Variants in TCF20 observed in about 807,000 individuals in gnomAD.
The protein encoded by TCF20 is transcription factor 20, also known as SPRE-binding protein.
A neutral mutation model predicts 148.6 loss-of-function variants in TCF20; 3 were observed. The observed-to-expected ratio is 0.02, with a 90% CI of 0.01 to 0.05. The LOEUF (loss-of-function observed/expected upper bound fraction) is 0.05, where lower values mean the gene tolerates loss of function less well. Among genes scored for constraint, TCF20 ranks in the 10% least tolerant of loss-of-function variants. The pLI is 1.00. For missense variants in TCF20, 2,350 were observed against 2,429.3 expected, an observed-to-expected ratio of 0.97 and a Z score of 0.69; for synonymous variants, 1,049 against 909.5, an observed-to-expected ratio of 1.15 and a Z score of -2.76.
intron 1 of TCF20, among the ~76,000 whole-genome samples, chr22:42,296,845 G>A (rs1569203605): frequency 1.3e-5 from 2 of 152,240 alleles, no homozygotes; most frequent in Non-Finnish European, 1.5e-5. Context: ...TTTCGCGAAT[G>A]AGAAAGCAGC....
chr22:42,235,352 G>T (rs985370196), intron 1 of TCF20, among the ~76,000 whole-genome samples: 4 of 152,148 alleles, frequency 2.6e-5, no homozygotes, highest in Admixed American at 6.5e-5. Context: ...CTCAACTGGG[G>T]ACTTCTCTGA....
At chr22:42,261,282 CTATTAA>C (rs1217525427) in intron 1 of TCF20, among the ~76,000 whole-genome samples, 21 of 152,228 alleles carry the variant, frequency 1.4e-4, no homozygotes, top group African/African-American at 5.1e-4. Flanking sequence ...TATTATTTGG[CTATTAA>C]TATTCTTATG....
intron 3 of TCF20, among the ~76,000 whole-genome samples, chr22:42,175,520 T>C (rs1045344059): frequency 6.6e-6 from 1 of 152,056 alleles, no homozygotes; most frequent in African/African-American, 2.4e-5. Context: ...TTTCATATTT[T>C]AGTAGTGACA....
rs374093822 is a variant in TCF20, at chr22:42,168,862, G to A, written c.5800-126C>T. The stretch of plus-strand genomic sequence containing the variant: ...AGAAAAGGCAGAGTCAGTCCTGACC[G>A]ACAAACAGGAGACATTCAGACAGGG... On this transcript the variant is annotated intron_variant, in intron 4 of 5. Coordinates refer to ENST00000677622, the MANE Select transcript of TCF20 (RefSeq NM_001378418.1). The A allele has an allele frequency of 1.3e-5, 17 of 1,267,788 alleles. No homozygotes were observed. In the South Asian group the frequency reaches 1.7e-4, roughly 13 times the overall value. 78.5% of individuals were successfully genotyped at this position (1,267,788 alleles called of 1,614,324 possible). A position where few individuals can be genotyped will look rare whatever the true frequency, so the allele number is the denominator to read the frequency against.
At chr22:42,268,328 C>T (rs1926405691) in intron 1 of TCF20, among the ~76,000 whole-genome samples, 3 of 152,204 alleles carry the variant, frequency 2.0e-5, no homozygotes, top group African/African-American at 7.2e-5. Flanking sequence ...AAAAGCACAG[C>T]CTAAGGCCTT....
In TCF20 at chr22:42,289,315, C is replaced by G. The variant is rs543910269; in HGVS notation, c.-37+54164G>C. 1.1e-4 allele frequency among the ~76,000 whole-genome samples: 16 copies of G among 152,310 alleles called. No homozygotes were observed. In the South Asian group the frequency reaches 3.3e-3, roughly 32 times the overall value. Reference sequence around the variant, plus strand: ...TGCCACCACATCCCACCGACACACTCTGGGAGGTTCCGAACACCAGATCTG... The same window carrying G: ...TGCCACCACATCCCACCGACACACTGTGGGAGGTTCCGAACACCAGATCTG... On this transcript the variant is annotated intron_variant, in intron 1 of 1. Transcript: ENST00000515426.
intron 1 of TCF20, among the ~76,000 whole-genome samples, chr22:42,326,208 C>T (rs562780028): frequency 6.6e-6 from 1 of 152,126 alleles, no homozygotes; most frequent in Admixed American, 6.5e-5. Context: ...TGGAACCAAG[C>T]GGGACCACCC....
intron 1 of TCF20, among the ~76,000 whole-genome samples, chr22:42,255,056 G>A (rs1264665328): frequency 6.6e-6 from 1 of 150,998 alleles, no homozygotes; most frequent in South Asian, 2.1e-4. Context: ...ATAGTTGGGT[G>A]ACCTTGGGCA....
chr22:42,219,192 T>C (rs577298684), intron 1 of TCF20, among the ~76,000 whole-genome samples: 24 of 151,266 alleles, frequency 1.6e-4, no homozygotes, highest in African/African-American at 5.8e-4. Context: ...AAGACCAGCC[T>C]GGGTTAAAAA....
At chr22:42,237,004 T>C (rs1470332378) in intron 1 of TCF20, among the ~76,000 whole-genome samples, 2 of 152,184 alleles carry the variant, frequency 1.3e-5, no homozygotes, top group Non-Finnish European at 2.9e-5. Flanking sequence ...GCTGACTAAT[T>C]AGGGTGGTGG....
intron 2 of TCF20, among the ~76,000 whole-genome samples, chr22:42,207,538 G>A (rs1161516576): frequency 1.3e-5 from 2 of 152,140 alleles, no homozygotes; most frequent in African/African-American, 4.8e-5. Flanking sequence ...AATCAAGGCT[G>A]GGTGCAGTGG....
At chr22:42,223,956 T>C (rs1922612083) in intron 1 of TCF20, among the ~76,000 whole-genome samples, 1 of 152,198 alleles carries the variant, frequency 6.6e-6, no homozygotes, top group African/African-American at 2.4e-5. Flanking sequence ...AGGTGCTGGC[T>C]TCCTCCCTGA....
At chr22:42,233,547 T>G (rs1248939361) in intron 1 of TCF20, among the ~76,000 whole-genome samples, 1 of 152,202 alleles carries the variant, frequency 6.6e-6, no homozygotes, top group Non-Finnish European at 1.5e-5. Flanking sequence ...ACTTTTCCCT[T>G]AACACCTTCC....
intron 1 of TCF20, among the ~76,000 whole-genome samples, chr22:42,227,207 C>A (rs145463618): frequency 0.013 from 1,972 of 152,246 alleles, 42 homozygotes; most frequent in African/African-American, 0.044. Context: ...CACTTGAACT[C>A]TGGAGGCTGC....
intron 3 of TCF20, among the ~76,000 whole-genome samples, chr22:42,173,374 T>G (rs1936251136): frequency 6.6e-6 from 1 of 151,524 alleles, no homozygotes; most frequent in South Asian, 2.1e-4. Context: ...AGGGTCAACA[T>G]CAGGTGGGGG....
chr22:42,322,670 G>A (rs934911973), intron 1 of TCF20, among the ~76,000 whole-genome samples: 1 of 151,848 alleles, frequency 6.6e-6, no homozygotes, highest in African/African-American at 2.4e-5. Context: ...AAGCGCCTGA[G>A]TGAGTGAGCA....
chr22:42,215,848 G>A (rs1392573203), intron 1 of TCF20, among the ~76,000 whole-genome samples: 1 of 151,986 alleles, frequency 6.6e-6, no homozygotes, highest in South Asian at 2.1e-4. Flanking sequence ...AAAGAGTGAG[G>A]CAAGAATCTG....
At chr22:42,243,379 G>A (rs1309585068) in intron 1 of TCF20, among the ~76,000 whole-genome samples, 2 of 149,890 alleles carry the variant, frequency 1.3e-5, no homozygotes, top group Non-Finnish European at 3.0e-5. Context: ...GAGGTGGACT[G>A]ATCACTTGAC....
At chr22:42,247,055 C>T (rs188869733) in intron 1 of TCF20, among the ~76,000 whole-genome samples, 3 of 149,870 alleles carry the variant, frequency 2.0e-5, no homozygotes, top group African/African-American at 7.4e-5. Context: ...AAATTACAAA[C>T]GTCATGAAGG....
Sources: allele counts gnomAD v4.1 joint callset (sites outside exome capture counted in the v4.1 genomes callset), GRCh38; gene constraint gnomAD v4.1.1; transcripts MANE v1.5; gene names NCBI Gene and HGNC (gene_info 2026-07-23, HGNC 2026-07-21).